Variants in MAML3 observed in about 807,000 individuals in gnomAD.
MAML3 encodes the protein mastermind like transcriptional coactivator 3.
In MAML3, 27 loss-of-function variants were observed where a neutral mutation model predicts 101.9. The ratio of observed to expected loss-of-function variants is 0.27; its 90% CI spans 0.20 to 0.37. The LOEUF is 0.37. MAML3 is among the 10% of genes least tolerant of loss of function. MAML3 has a pLI of 1.00. For missense variants in MAML3, 1,316 were observed against 1,444.9 expected (o/e 0.91, Z 1.45); for synonymous variants, 501 against 555.9 (o/e 0.90, Z 1.39).
Position 139,851,125 on chromosome 4 carries a change from A to G in MAML3, c.2079+38232T>C, listed in dbSNP as rs1731539638. Among the ~76,000 whole-genome samples the G allele has an allele frequency of 2.0e-5, 3 of 152,192 alleles. No individual in the cohort carries two copies. The South Asian group carries it at 6.2e-4, about 31-fold the overall frequency. ...AATACTGTCCCTCCAGGCTCTCTGA[A>G]GGTACCAATGGTTTTATAATCTTAC... On this transcript the variant is annotated intron_variant, in intron 2 of 4. Transcript: ENST00000509479.
intron 1 of MAML3, among the ~76,000 whole-genome samples, chr4:140,076,108 C>T (rs1341402128): frequency 1.3e-5 from 2 of 152,036 alleles, no homozygotes; most frequent in African/African-American, 2.4e-5. Flanking sequence ...CTCAAGTGAT[C>T]GTCCTGCCTC....
chr4:140,042,879 C>T (rs1356990458), intron 1 of MAML3, among the ~76,000 whole-genome samples: 3 of 152,128 alleles, frequency 2.0e-5, no homozygotes, highest in South Asian at 2.1e-4. Flanking sequence ...CGGTTAGTGG[C>T]AGGGTCTCCA....
intron 2 of MAML3, among the ~76,000 whole-genome samples, chr4:139,801,957 T>G (rs1730617651): frequency 6.6e-6 from 1 of 152,150 alleles, no homozygotes; most frequent in Non-Finnish European, 1.5e-5. Context: ...AGGGGCCAGA[T>G]GGACAGACAG....
At chr4:140,056,284 T>G (rs1463394208) in intron 1 of MAML3, among the ~76,000 whole-genome samples, 2 of 152,132 alleles carry the variant, frequency 1.3e-5, no homozygotes, top group African/African-American at 4.8e-5. Context: ...TGTCATGACA[T>G]CTGTTCTAAA....
intron 1 of MAML3, among the ~76,000 whole-genome samples, chr4:140,016,136 T>C (rs1726638282): frequency 6.6e-6 from 1 of 152,192 alleles, no homozygotes; most frequent in South Asian, 2.1e-4. Context: ...TATATTTCTA[T>C]GTCCTAGCAA....
intron 2 of MAML3, among the ~76,000 whole-genome samples, chr4:139,841,060 A>G (rs1377306476): frequency 6.6e-6 from 1 of 152,252 alleles, no homozygotes; most frequent in African/African-American, 2.4e-5. Context: ...ATAACAACAT[A>G]GAACCAAAAG....
At chr4:140,086,392 T>TA (rs1160837440) in intron 1 of MAML3, among the ~76,000 whole-genome samples, 1 of 152,232 alleles carries the variant, frequency 6.6e-6, no homozygotes, top group Non-Finnish European at 1.5e-5. Context: ...TGTCCCACAA[T>TA]AGAGTTAAAC....
chr4:140,030,881 A>T lies in MAML3; in HGVS notation c.468+121979T>A, dbSNP rs567875379. The stretch of plus-strand genomic sequence containing the variant: ...CCAGGCACTGCTGTGTTAAGCAGAG[A>T]TGAGGCTCCCACCTTTGATAATGAG... On this transcript the variant is annotated intron_variant, in intron 1 of 4. Transcript: ENST00000509479. Among the ~76,000 whole-genome samples the T allele has an allele frequency of 2.6e-5, 4 of 152,328 alleles. No homozygotes were observed. The East Asian group carries it at 5.8e-4, about 22-fold the overall frequency.
intron 2 of MAML3, among the ~76,000 whole-genome samples, chr4:139,796,217 T>A (rs1730509014): frequency 6.6e-6 from 1 of 152,218 alleles, no homozygotes. Flanking sequence ...ATGACTATTA[T>A]GAGGCTTTAG....
At chr4:140,106,038 T>C (rs10000454) in intron 1 of MAML3, among the ~76,000 whole-genome samples, 2,512 of 144,986 alleles carry the variant, frequency 0.017, 57 homozygotes, top group African/African-American at 0.052. Flanking sequence ...TGCTATACAC[T>C]AGGGGCAGTC....
chr4:140,123,313 A>T (rs759430249), intron 1 of MAML3, among the ~76,000 whole-genome samples: 6 of 152,204 alleles, frequency 3.9e-5, no homozygotes, highest in Non-Finnish European at 8.8e-5. Flanking sequence ...GGAAAAAGGA[A>T]AAAGGTACAT....
intron 1 of MAML3, 95 bp downstream of exon 1, chr4:140,152,765 G>T: frequency 6.6e-7 from 1 of 1,521,474 alleles, no homozygotes. Flanking sequence ...GTGCAAATCA[G>T]ACCCTTGTAC....
chr4:139,900,092 A>G (rs1315742146), intron 1 of MAML3, among the ~76,000 whole-genome samples: 3 of 152,134 alleles, frequency 2.0e-5, no homozygotes, highest in Non-Finnish European at 2.9e-5. Context: ...CACTCAAAAC[A>G]TTTTAAGGTA....
chr4:139,837,659 C>A (rs1202756375), intron 2 of MAML3, among the ~76,000 whole-genome samples: 2 of 152,196 alleles, frequency 1.3e-5, no homozygotes, highest in African/African-American at 4.8e-5. Context: ...GTGGCTCATG[C>A]CCGTAATCCC....
At chr4:139,946,122 C>T (rs1236422907) in intron 1 of MAML3, among the ~76,000 whole-genome samples, 1 of 152,210 alleles carries the variant, frequency 6.6e-6, no homozygotes, top group Admixed American at 6.5e-5. Context: ...TAAAAGAATT[C>T]ATCTTAGTTC....
chr4:140,106,106 T>C (rs938130942), intron 1 of MAML3, among the ~76,000 whole-genome samples: 3 of 108,548 alleles, frequency 2.8e-5, no homozygotes, highest in Admixed American at 2.5e-4. Context: ...TTGGTAAAAC[T>C]GACTTCAAGA....
chr4:139,735,695 T>G lies in MAML3; in HGVS notation c.2080-5028A>C, dbSNP rs13143125. ...TTGAAAAAGTCCCCTGGGGCCTAATTTAGCCTCTCGACTCCAGCCTATATG... is the reference window on the plus strand; with the variant it reads ...TTGAAAAAGTCCCCTGGGGCCTAATGTAGCCTCTCGACTCCAGCCTATATG... On this transcript the variant is annotated intron_variant, in intron 2 of 4. Transcript: ENST00000509479. This position sits in a 1 kb window ranked among gnomAD's most constrained non-coding sequence, Gnocchi z 5.8. Among the ~76,000 whole-genome samples, 52,640 of 152,174 alleles carry G rather than the reference T, an allele frequency of 0.35. 10,436 individuals carry two copies. The highest frequency in any genetic ancestry group is 0.5 in the Middle Eastern group (146 of 294).
At chr4:139,915,973 G>A (rs1294198694) in intron 1 of MAML3, among the ~76,000 whole-genome samples, 1 of 152,170 alleles carries the variant, frequency 6.6e-6, no homozygotes, top group African/African-American at 2.4e-5. Flanking sequence ...CTTTTCTTGT[G>A]TGTGCATCCA....
intron 2 of MAML3, among the ~76,000 whole-genome samples, chr4:139,777,853 C>T (rs1376474705): frequency 6.6e-6 from 1 of 152,246 alleles, no homozygotes; most frequent in Non-Finnish European, 1.5e-5. Context: ...ACCCACCCTT[C>T]TCTCCCTGCT....
Sources: allele counts gnomAD v4.1 joint callset (sites outside exome capture counted in the v4.1 genomes callset), GRCh38; gene constraint gnomAD v4.1.1; non-coding constraint Gnocchi (gnomAD v3.1); transcripts MANE v1.5; gene names NCBI Gene and HGNC (gene_info 2026-07-23, HGNC 2026-07-21).